SANBR: variants seen among roughly 807,000 people sequenced by gnomAD.
SANBR encodes SANT and BTB domain regulator of class switch recombination.
SANBR carries 77 observed loss-of-function variants against 101.8 expected under a neutral mutation model. The observed-to-expected ratio is 0.76, with a 90% CI of 0.63 to 0.91. The LOEUF is 0.91. Ranked by LOEUF, SANBR falls within the 40% of genes least tolerant of loss-of-function variation. The probability of loss-of-function intolerance (pLI) is 0.00; values close to 1 mark genes in which losing one functional copy is unlikely to be tolerated. For synonymous variants in SANBR, 279 were observed against 274.7 expected, an observed-to-expected ratio of 1.02 and a Z score of -0.15; for missense variants, 875 against 853.0, an observed-to-expected ratio of 1.03 and a Z score of -0.32.
chr2:61,080,418 C>G (rs1481516769), intron 6 of SANBR, among the ~76,000 whole-genome samples: 1 of 152,084 alleles, frequency 6.6e-6, no homozygotes, highest in Admixed American at 6.6e-5. Context: ...TTCCTCCCTT[C>G]ACCATTTGTG....
intron 16 of SANBR, among the ~76,000 whole-genome samples, chr2:61,114,250 C>T (rs139358189): frequency 1.3e-5 from 2 of 152,278 alleles, no homozygotes; most frequent in Admixed American, 6.5e-5. Flanking sequence ...GTTGCAGCCG[C>T]GACCCAGACT....
chr2:61,071,632 G>C lies in SANBR; in HGVS notation c.177G>C (p.Lys59Asn). The C allele has an allele frequency of 6.4e-7, 1 of 1,569,080 alleles. No homozygotes were observed. Among genetic ancestry groups the C allele is most frequent in the South Asian group, 1.2e-5 (1 of 82,888 alleles). Residue 59 changes from lysine (K) to asparagine (N), a missense_variant, in exon 4 of 22, where the codon AAG (lysine) becomes AAC (asparagine). Physicochemically the swap from Lys to Asn is moderately conservative, Grantham distance 94. Transcript: ENST00000402291. ...KECAKRFDEL[K>N]SSGSSPVDNQ... ...GTGCAAAAAGGTTTGATGAATTAAA[G>C]AGCAGTGGAAGCTCGCCTGTTGACA...
intron 20 of SANBR, among the ~76,000 whole-genome samples, chr2:61,133,645 G>A (rs1317689351): frequency 1.3e-5 from 2 of 151,964 alleles, no homozygotes; most frequent in Admixed American, 1.3e-4. Context: ...GCTACAACAC[G>A]GATAAACCTT....
At chr2:61,101,355 A>G (rs1200183045) in intron 12 of SANBR, among the ~76,000 whole-genome samples, 1 of 152,218 alleles carries the variant, frequency 6.6e-6, no homozygotes. Context: ...CCACAAATTT[A>G]CATTTGTGGT....
At chr2:61,078,484 C>T (rs1000283173) in intron 6 of SANBR, among the ~76,000 whole-genome samples, 3 of 151,882 alleles carry the variant, frequency 2.0e-5, no homozygotes, top group Non-Finnish European at 4.4e-5. Flanking sequence ...TGCAACGGTG[C>T]AATCTCAGCT....
intron 12 of SANBR, among the ~76,000 whole-genome samples, chr2:61,098,460 G>T (rs1016231072): frequency 3.9e-5 from 6 of 151,992 alleles, no homozygotes; most frequent in Non-Finnish European, 8.8e-5. Context: ...TCTGTAATTT[G>T]CCTTTTTTAC....
At chr2:61,075,101 C>T (rs1681695924) in intron 5 of SANBR, 1 of 151,418 alleles carries the variant, frequency 6.6e-6, no homozygotes. Context: ...CCTGGACCTC[C>T]AATAATGTAC....
At chr2:61,111,740 C>T (rs904454864) in intron 16 of SANBR, among the ~76,000 whole-genome samples, 1 of 152,190 alleles carries the variant, frequency 6.6e-6, no homozygotes, top group Non-Finnish European at 1.5e-5. Flanking sequence ...TCTCAGGCAA[C>T]CATGAATCTG....
chr2:61,088,489 A>G (rs1408720137), intron 10 of SANBR, 21 bp downstream of exon 10: 2 of 1,462,738 alleles, frequency 1.4e-6, no homozygotes, highest in Middle Eastern at 1.9e-4. Context: ...GATAAAATAC[A>G]TACATGTATT....
downstream of SANBR, among the ~76,000 whole-genome samples, chr2:61,127,771 G>A (rs1170483118): frequency 6.6e-6 from 1 of 152,130 alleles, no homozygotes; most frequent in Non-Finnish European, 1.5e-5. Context: ...TCTAATGGAA[G>A]TTCCAAAAGG....
rs1684133486 is a variant in SANBR at position 61,117,537 on chromosome 2, G to A, written c.1936G>A (p.Asp646Asn). 6.2e-7 allele frequency: 1 copy of A among 1,611,882 alleles called. No individual in the cohort carries two copies. The highest frequency in any genetic ancestry group is 1.7e-5 in the Admixed American group (1 of 59,982). ...ATTCAACCAGGATGCACAAAGAGAA[G>A]ACGGTAAATTTTATTATTTGGGTAA... ...LRFNQDAQRE[D>N]DQRRMTEITG... Residue 646 changes from aspartate (D) to asparagine (N), a missense_variant, in exon 19 of 22, where the codon GAC becomes AAC. Coordinates refer to ENST00000402291, the MANE Select transcript of SANBR (RefSeq NM_001129993.3).
intron 6 of SANBR, among the ~76,000 whole-genome samples, chr2:61,079,487 G>A (rs1384325010): frequency 6.6e-6 from 1 of 152,092 alleles, no homozygotes; most frequent in South Asian, 2.1e-4. Flanking sequence ...ATAATTTATT[G>A]TATTCTTTAG....
intron 21 of SANBR, among the ~76,000 whole-genome samples, chr2:61,136,854 C>G (rs1297895308): frequency 9.2e-5 from 14 of 151,352 alleles, no homozygotes. Context: ...GCCTGTAATC[C>G]CAGCTACTTG....
chr2:61,088,482 A>G lies in SANBR; in HGVS notation c.1088+14A>G. On this transcript the variant is annotated intron_variant, in intron 10 of 21. Transcript: ENST00000402291. ...TATTCACATAAGGTGTCGTGAAGAT[A>G]AAATACATACATGTATTTTTGTATA... 1 of 1,518,958 alleles carries G rather than the reference A, an allele frequency of 6.6e-7. No homozygotes were observed. The highest frequency in any genetic ancestry group is 9.0e-7 in the Non-Finnish European group (1 of 1,108,514). The allele number at this position is 1,518,958 out of a possible 1,614,324, so 94.1% of individuals were successfully genotyped here. A position where few individuals can be genotyped will look rare whatever the true frequency, so the allele number is the denominator to read the frequency against.
chr2:61,074,128 G>A (rs1573587588), intron 5 of SANBR, among the ~76,000 whole-genome samples: 1 of 152,042 alleles, frequency 6.6e-6, no homozygotes, highest in East Asian at 1.9e-4. Flanking sequence ...AAGTTCCTTT[G>A]TATACTTACT....
At chr2:61,077,690 A>G (rs1005592225) in intron 6 of SANBR, among the ~76,000 whole-genome samples, 11 of 152,252 alleles carry the variant, frequency 7.2e-5, no homozygotes, top group African/African-American at 1.2e-4. Flanking sequence ...TTGAATATAC[A>G]TATCTTTACT....
intron 20 of SANBR, among the ~76,000 whole-genome samples, chr2:61,118,542 A>G (rs1684188070): frequency 6.8e-6 from 1 of 147,342 alleles, no homozygotes; most frequent in African/African-American, 2.5e-5. Flanking sequence ...CACCTGGCCA[A>G]ATATATGTGG....
chr2:61,124,363 C>T, downstream of SANBR: 1 of 620,150 alleles, frequency 1.6e-6, no homozygotes, highest in Non-Finnish European at 2.0e-6. Context: ...CACAGGTTTT[C>T]ATGGAAAATT....
chr2:61,120,991 C>G (rs1684308383), intron 20 of SANBR, among the ~76,000 whole-genome samples, 194 bp from the exon 21 acceptor site: 2 of 152,042 alleles, frequency 1.3e-5, no homozygotes, highest in African/African-American at 2.4e-5. Flanking sequence ...AGTTATAAAA[C>G]TGTATGCATT....
Sources: allele counts gnomAD v4.1 joint callset (sites outside exome capture counted in the v4.1 genomes callset), GRCh38; gene constraint gnomAD v4.1.1; transcripts MANE v1.5; gene names NCBI Gene and HGNC (gene_info 2026-07-23, HGNC 2026-07-21).